GSG1L: variants seen among roughly 807,000 people sequenced by gnomAD.
The protein encoded by GSG1L is GSG1 like.
GSG1L carries 24 observed loss-of-function variants against 42.1 expected under a neutral mutation model. That is an observed-to-expected ratio of 0.57 (90% CI 0.41 to 0.80). The LOEUF (loss-of-function observed/expected upper bound fraction) is 0.80, where lower values mean the gene tolerates loss of function less well. Ranked by LOEUF, GSG1L falls within the 30% of genes least tolerant of loss-of-function variation. The pLI, the probability that GSG1L is intolerant of heterozygous loss-of-function variation, is 0.00. For synonymous variants in GSG1L, 215 were observed against 203.5 expected, an observed-to-expected ratio of 1.06 and a Z score of -0.48; for missense variants, 445 against 472.2, an observed-to-expected ratio of 0.94 and a Z score of 0.53.
intron 3 of GSG1L, among the ~76,000 whole-genome samples, chr16:27,870,499 G>A (rs1257738775): frequency 6.6e-6 from 1 of 150,966 alleles, no homozygotes; most frequent in African/African-American, 2.5e-5. Context: ...CTCTGTCCCA[G>A]GGGCCTGTTC....
intron 2 of GSG1L, among the ~76,000 whole-genome samples, chr16:27,952,489 C>T (rs1229269769): frequency 6.6e-6 from 1 of 152,180 alleles, no homozygotes; most frequent in African/African-American, 2.4e-5. Context: ...GGGAACAGCA[C>T]ATGCAAAGGC....
chr16:28,043,983 T>C (rs970142315), intron 1 of GSG1L, among the ~76,000 whole-genome samples: 1 of 151,674 alleles, frequency 6.6e-6, no homozygotes, highest in Admixed American at 6.6e-5. Flanking sequence ...GATTGTGCCA[T>C]TGCACTCCAG....
Position 28,040,201 on chromosome 16 carries a change from G to A in GSG1L, c.349+22875C>T, listed in dbSNP as rs914034792. Among the ~76,000 whole-genome samples the A allele has an allele frequency of 6.6e-6, 1 of 152,056 alleles. No homozygotes were observed. The highest frequency in any genetic ancestry group is 2.4e-5 in the African/African-American group (1 of 41,378). ...TCCTAACTGGACTCCAGCCATTCAC[G>A]CCTCCCTTCAGGTCCCTCTCCCACC... is the stretch of plus-strand genomic sequence containing the variant. On this transcript the variant is annotated intron_variant, in intron 1 of 6. Transcript: ENST00000447459. The surrounding 1 kb of genome is among the most constrained non-coding windows in gnomAD (Gnocchi z 4.1).
chr16:27,799,404 C>T lies in GSG1L; in HGVS notation c.899-7937G>A, dbSNP rs937236574. 5.9e-5 allele frequency among the ~76,000 whole-genome samples: 9 copies of T among 152,162 alleles called. No individual in the cohort carries two copies. The East Asian group carries it at 9.7e-4, about 16-fold the overall frequency. ...TTGGAAACATAAAAAAAATTACCCA[C>T]GTCTATGTCATGTGCCTGCAATCTC... is the stretch of plus-strand genomic sequence containing the variant. On this transcript the variant is annotated intron_variant, in intron 6 of 6. Coordinates refer to ENST00000447459, the MANE Select transcript of GSG1L (RefSeq NM_001109763.2).
chr16:27,974,303 G>C (rs2085227624), intron 1 of GSG1L, among the ~76,000 whole-genome samples: 1 of 152,200 alleles, frequency 6.6e-6, no homozygotes, highest in Non-Finnish European at 1.5e-5. Context: ...TGGGGTCATA[G>C]GTTATTAGCT....
rs76848328 is a variant in GSG1L, at chr16:27,972,535, T to C, written c.350-9332A>G. On this transcript the variant is annotated intron_variant, in intron 1 of 6. Coordinates refer to ENST00000447459, the MANE Select transcript of GSG1L (RefSeq NM_001109763.2). ...ATATGTTTAGTTAAGGGATTTATTT[T>C]GGGCATTAAACCTTAAGACAGGTGC... 5.4e-3 allele frequency among the ~76,000 whole-genome samples: 825 copies of C among 152,352 alleles called. 7 individuals carry two copies. The highest frequency in any genetic ancestry group is 0.018 in the African/African-American group (768 of 41,578).
At chr16:27,868,713 A>G (rs2083762980) in intron 3 of GSG1L, among the ~76,000 whole-genome samples, 1 of 152,044 alleles carries the variant, frequency 6.6e-6, no homozygotes, top group Non-Finnish European at 1.5e-5. Flanking sequence ...CTGGGTCCAC[A>G]TTTCTTCTCG....
chr16:27,915,241 C>CACT (rs1374195859), intron 2 of GSG1L, among the ~76,000 whole-genome samples: 1 of 104,366 alleles, frequency 9.6e-6, no homozygotes, highest in East Asian at 3.2e-4. Context: ...ACACACACAC[C>CACT]CTGTTGGTTT....
chr16:27,879,934 G>C (rs1285877154), intron 3 of GSG1L, among the ~76,000 whole-genome samples: 1 of 149,990 alleles, frequency 6.7e-6, no homozygotes, highest in Admixed American at 6.7e-5. Context: ...TGGCTGCAGA[G>C]GGCTGACTGT....
chr16:27,957,763 A>G (rs1349477935), intron 2 of GSG1L, among the ~76,000 whole-genome samples: 1 of 152,188 alleles, frequency 6.6e-6, no homozygotes, highest in African/African-American at 2.4e-5. Context: ...GAAGAGGTTT[A>G]TTTGGCTCAC....
intron 1 of GSG1L, among the ~76,000 whole-genome samples, chr16:28,006,124 G>A (rs1046864047): frequency 1.3e-5 from 2 of 152,072 alleles, no homozygotes; most frequent in Non-Finnish European, 2.9e-5. Context: ...AAGGAACAGG[G>A]TGACCTCTAG....
intron 1 of GSG1L, among the ~76,000 whole-genome samples, chr16:27,979,598 G>GAAGA (rs1201395256): frequency 1.4e-5 from 2 of 138,652 alleles, no homozygotes; most frequent in African/African-American, 2.8e-5. Context: ...AGGAAGGAAG[G>GAAGA]AAGAAAGAAA....
chr16:27,907,987 G>T (rs959757197), intron 2 of GSG1L, among the ~76,000 whole-genome samples: 10 of 151,654 alleles, frequency 6.6e-5, no homozygotes, highest in Non-Finnish European at 1.3e-4. Context: ...CTACCTACCT[G>T]GTAGATTGCA....
rs75185587 is a variant in GSG1L, at chr16:27,815,192, C to T, written c.831-7638G>A. Among the ~76,000 whole-genome samples the T allele has an allele frequency of 3.6e-3, 553 of 152,210 alleles. 4 individuals are homozygous for T. The highest frequency in any genetic ancestry group is 0.012 in the African/African-American group (499 of 41,524). On this transcript the variant is annotated intron_variant, in intron 5 of 6. Coordinates refer to ENST00000447459, the MANE Select transcript of GSG1L (RefSeq NM_001109763.2). ...CTAAATCTTATGCTGAAACGTGATCCCCAATGTTGGAGGTGGGGCCTGGTG... is the reference window on the plus strand; with the variant it reads ...CTAAATCTTATGCTGAAACGTGATCTCCAATGTTGGAGGTGGGGCCTGGTG...
intron 1 of GSG1L, among the ~76,000 whole-genome samples, chr16:28,002,937 GA>G (rs149096202): frequency 2.6e-5 from 4 of 151,582 alleles, no homozygotes; most frequent in Non-Finnish European, 4.4e-5. Flanking sequence ...CTCCGTCTCA[GA>G]AAAAAAAGAA....
intron 3 of GSG1L, among the ~76,000 whole-genome samples, chr16:27,865,564 TATATATATACACACACAC>T (rs1277823006): frequency 1.5e-4 from 3 of 19,624 alleles, no homozygotes; most frequent in African/African-American, 1.3e-3. Context: ...TATATATATA[TATATATATACACACACAC>T]ATACATACAT....
chr16:28,010,039 G>A (rs967782864), intron 1 of GSG1L, among the ~76,000 whole-genome samples: 2 of 152,096 alleles, frequency 1.3e-5, no homozygotes, highest in South Asian at 2.1e-4. Flanking sequence ...GTTGTATATC[G>A]GCGCCAACAG....
chr16:27,963,109 C>G, intron 2 of GSG1L, 47 bp downstream of exon 2: 1 of 1,539,580 alleles, frequency 6.5e-7, no homozygotes, highest in Non-Finnish European at 9.0e-7. Flanking sequence ...GGAAAGATGT[C>G]CCCAGAGAGA....
At chr16:27,945,730 C>T (rs987104567) in intron 2 of GSG1L, among the ~76,000 whole-genome samples, 2 of 152,256 alleles carry the variant, frequency 1.3e-5, no homozygotes, top group Non-Finnish European at 2.9e-5. Flanking sequence ...TCCTGAGTTT[C>T]CAGTTCCTGG....
Sources: allele counts gnomAD v4.1 joint callset (sites outside exome capture counted in the v4.1 genomes callset), GRCh38; gene constraint gnomAD v4.1.1; non-coding constraint Gnocchi (gnomAD v3.1); transcripts MANE v1.5; gene names NCBI Gene and HGNC (gene_info 2026-07-23, HGNC 2026-07-21).